The following RANBP3 variants were observed in gnomAD, a reference collection of about 807,000 sequenced individuals.
RANBP3 encodes the protein RAN binding protein 3.
Under a neutral mutation model 77.3 loss-of-function variants are expected in RANBP3, and 14 were observed. The ratio of observed to expected loss-of-function variants is 0.18; its 90% confidence interval spans 0.12 to 0.28. The LOEUF is 0.28. Among genes scored for constraint, RANBP3 ranks in the 10% least tolerant of loss-of-function variants. The pLI, the probability that RANBP3 is intolerant of heterozygous loss-of-function variation, is 1.00. For missense variants in RANBP3, 586 were observed against 752.3 expected, an observed-to-expected ratio of 0.78 and a Z score of 2.59; for synonymous variants, 315 against 312.4, an observed-to-expected ratio of 1.01 and a Z score of -0.09.
rs2057819631 is a variant in RANBP3, at chr19:5,921,526, T to C, written c.1210-205A>G. On this transcript the variant is annotated intron_variant, in intron 13 of 16. Coordinates refer to ENST00000340578, the MANE Select transcript of RANBP3 (RefSeq NM_007322.3). This position sits in a 1 kb window ranked among gnomAD's most constrained non-coding sequence, Gnocchi z 5.3. ...GGGTATCTGAAATTAAAAGAATCAC[T>C]AAGGAAATGAAAAGCAAAACAACGG... is the stretch of plus-strand genomic sequence containing the variant. 1.3e-5 allele frequency among the ~76,000 whole-genome samples: 2 copies of C among 152,076 alleles called. No homozygotes were observed. Among genetic ancestry groups the C allele is most frequent in the African/African-American group, 4.8e-5 (2 of 41,412 alleles).
chr19:5,942,958 C>T (rs2058158284), intron 3 of RANBP3, among the ~76,000 whole-genome samples: 1 of 152,078 alleles, frequency 6.6e-6, no homozygotes, highest in African/African-American at 2.4e-5. Context: ...AGCCCGGGGT[C>T]TGAGGCTGCA....
chr19:5,955,892 A>G (rs185683983), intron 2 of RANBP3, among the ~76,000 whole-genome samples: 1 of 152,324 alleles, frequency 6.6e-6, no homozygotes, highest in East Asian at 1.9e-4. Context: ...GATTAAAGCC[A>G]TAAGTTCGAG....
At chr19:5,968,790 C>T (rs1014174522) in intron 1 of RANBP3, among the ~76,000 whole-genome samples, 1 of 152,238 alleles carries the variant, frequency 6.6e-6, no homozygotes, top group Admixed American at 6.5e-5. Context: ...ATCTACCAAG[C>T]ACAGACTTGT....
chr19:5,949,240 G>A (rs188606581), intron 3 of RANBP3, among the ~76,000 whole-genome samples: 13 of 152,314 alleles, frequency 8.5e-5, no homozygotes, highest in Admixed American at 6.5e-4. Context: ...AAACGAAAAC[G>A]GTCTGAGTTC....
chr19:5,918,504 G>C lies in RANBP3; in HGVS notation c.1465C>G (p.Leu489Val). Reference sequence around the variant, plus strand: ...CCGCGTGGCTGGCTCACCGAGATCAGGAAGACCTTCACGCCCTGGTCCTCG... The same window carrying C: ...CCGCGTGGCTGGCTCACCGAGATCACGAAGACCTTCACGCCCTGGTCCTCG... ...DTEDQGVKVF[L>V]ISASSKDTGQ... is the part of the protein sequence containing the mutation. The change falls in exon 15 of 17, where the codon CTG becomes GTG. Residue 489 changes from leucine (L) to valine (V), a missense_variant. Leu to Val is a conservative substitution (Grantham distance 32, BLOSUM62 1). Transcript: ENST00000340578. 6.2e-7 allele frequency: 1 copy of C among 1,611,440 alleles called. No individual in the cohort carries two copies. Among genetic ancestry groups the C allele is most frequent in the South Asian group, 1.1e-5 (1 of 90,936 alleles).
chr19:5,918,592 C>T lies in RANBP3; in HGVS notation c.1377G>A (p.Leu459=). The change falls in exon 15 of 17, where the codon CTG becomes CTA. Residue 459 remains leucine (L), a synonymous_variant. Coordinates refer to ENST00000340578, the MANE Select transcript of RANBP3 (RefSeq NM_007322.3). ...GSLRLILNTK[L]WAQMQIDKAS... Reference sequence around the variant, plus strand: ...CCTTGTCGATCTGCATCTGGGCCCACAGCTTGGTGTTGAGGATCAGTCGCA... The same window carrying T: ...CCTTGTCGATCTGCATCTGGGCCCATAGCTTGGTGTTGAGGATCAGTCGCA... 1 of 1,613,912 alleles carries T rather than the reference C, an allele frequency of 6.2e-7. No individual in the cohort carries two copies.
At chr19:5,935,255 A>G (rs558420064) in intron 5 of RANBP3, among the ~76,000 whole-genome samples, 2 of 152,300 alleles carry the variant, frequency 1.3e-5, no homozygotes, top group East Asian at 3.9e-4. Context: ...CCTTCTTACT[A>G]TAATAGTTGT....
Position 5,917,245 on chromosome 19 carries a change from C to T in RANBP3, c.*365G>A, listed in dbSNP as rs954601755. Reference sequence around the variant, plus strand: ...AGCAGGGTGGGAAGGGTGTGGGTGGCGGAGAAGCCAGGGGCTCTGGCTGGA... The same window carrying T: ...AGCAGGGTGGGAAGGGTGTGGGTGGTGGAGAAGCCAGGGGCTCTGGCTGGA... On this transcript the variant is annotated 3_prime_UTR_variant, in exon 17 of 17. Coordinates refer to ENST00000340578, the MANE Select transcript of RANBP3 (RefSeq NM_007322.3). 10 of 352,736 alleles carry T rather than the reference C, an allele frequency of 2.8e-5. No individual in the cohort carries two copies. Among genetic ancestry groups the T allele is most frequent in the African/African-American group, 1.5e-4 (7 of 45,856 alleles). 21.9% of individuals were successfully genotyped at this position (352,736 alleles called of 1,614,324 possible). A position where few individuals can be genotyped will look rare whatever the true frequency, so the allele number is the denominator to read the frequency against.
rs1285057907 is a variant in RANBP3, at chr19:5,951,523, C to T, written c.152G>A (p.Gly51Asp). ...PRGEAEAPHH[G>D]TGHPESAGEH... is the part of the protein sequence containing the mutation. ...GCCAGCTGACTCGGGGTGACCCGTG[C>T]CATGGTGGGGGGCCTCAGCCTCCCC... The change falls in exon 3 of 17, where the codon GGC becomes GAC. Residue 51 changes from glycine to aspartate, a missense_variant. Transcript: ENST00000340578. 1 of 1,611,814 alleles carries T rather than the reference C, an allele frequency of 6.2e-7. No homozygotes were observed. Among genetic ancestry groups the T allele is most frequent in the Non-Finnish European group, 8.5e-7 (1 of 1,178,850 alleles).
At chr19:5,944,691 G>T (rs1332263060) in intron 3 of RANBP3, among the ~76,000 whole-genome samples, 1 of 152,208 alleles carries the variant, frequency 6.6e-6, no homozygotes, top group Non-Finnish European at 1.5e-5. Flanking sequence ...TCTGAGGCCA[G>T]CAGCCTCTGC....
At chr19:5,919,429 A>G (rs2057788699) in intron 14 of RANBP3, among the ~76,000 whole-genome samples, 1 of 152,170 alleles carries the variant, frequency 6.6e-6, no homozygotes, top group Non-Finnish European at 1.5e-5. Context: ...TCAGAGGCCG[A>G]GTGGGAGAAA....
Position 5,931,481 on chromosome 19 carries a change from C to A in RANBP3, c.616G>T (p.Ala206Ser), listed in dbSNP as rs2057990017. 3 of 1,612,732 alleles carry A rather than the reference C, an allele frequency of 1.9e-6. No individual in the cohort carries two copies. Among genetic ancestry groups the A allele is most frequent in the Non-Finnish European group, 2.5e-6 (3 of 1,179,466 alleles). The change falls in exon 8 of 17, where the codon GCA becomes TCA. Residue 206 changes from alanine (A) to serine (S), a missense_variant. Physicochemically the swap from Ala to Ser is moderately conservative, Grantham distance 99. This residue lies in a region of RANBP3 where 232 missense variants were observed against 271.7 expected (regional missense o/e 0.85). Transcript: ENST00000340578. ...GTGTCAGGGGATGCTGCGGGCACTG[C>A]CCCCGTGCAGTCTGCTGGGAGGCTG... ...GVSLPADCTG[A>S]VPAASPDTAA...
rs144574561 is a variant in RANBP3 at position 5,936,213 on chromosome 19, G to A, written c.407-2734C>T. On this transcript the variant is annotated intron_variant, in intron 5 of 16. Coordinates refer to ENST00000340578, the MANE Select transcript of RANBP3 (RefSeq NM_007322.3). The stretch of plus-strand genomic sequence containing the variant: ...GTGGACGGCGCTGGTGCAGGGTGGG[G>A]AGGAGGCTCAGCCATGCGGTGGGCA... Among the ~76,000 whole-genome samples, 694 of 152,374 alleles carry A rather than the reference G, an allele frequency of 4.6e-3. 3 individuals carry two copies. The highest frequency in any genetic ancestry group is 0.016 in the African/African-American group (666 of 41,590).
At chr19:5,943,798 T>C (rs2058169028) in intron 3 of RANBP3, among the ~76,000 whole-genome samples, 2 of 152,116 alleles carry the variant, frequency 1.3e-5, no homozygotes, top group Non-Finnish European at 2.9e-5. Flanking sequence ...AAACACAAAA[T>C]CCTTGTAACA....
intron 3 of RANBP3, among the ~76,000 whole-genome samples, chr19:5,944,641 A>G (rs920070084): frequency 4.6e-5 from 7 of 152,192 alleles, no homozygotes; most frequent in African/African-American, 1.4e-4. Flanking sequence ...AGAGCCCTGT[A>G]GGCTGGCTTT....
At chr19:5,955,529 A>G (rs951156025) in intron 2 of RANBP3, among the ~76,000 whole-genome samples, 2 of 152,228 alleles carry the variant, frequency 1.3e-5, no homozygotes, top group African/African-American at 2.4e-5. Flanking sequence ...AAAGCAACAA[A>G]ACCCCCTCAG....
intron 1 of RANBP3, among the ~76,000 whole-genome samples, chr19:5,969,312 C>A (rs576176782): frequency 2.0e-5 from 3 of 152,324 alleles, no homozygotes; most frequent in East Asian, 3.9e-4. Flanking sequence ...ACCCTCTCCC[C>A]CAGAGAAAGG....
intron 14 of RANBP3, among the ~76,000 whole-genome samples, chr19:5,919,797 A>G (rs2057793454): frequency 6.6e-6 from 1 of 151,068 alleles, no homozygotes; most frequent in African/African-American, 2.4e-5. Context: ...GCTGCTCGGG[A>G]GGCCGAGGCA....
chr19:5,967,975 C>T (rs1388854223), intron 1 of RANBP3, among the ~76,000 whole-genome samples: 1 of 152,074 alleles, frequency 6.6e-6, no homozygotes, highest in Non-Finnish European at 1.5e-5. Context: ...TGAGATAGCA[C>T]CACTGCACTC....
Sources: allele counts gnomAD v4.1 joint callset (sites outside exome capture counted in the v4.1 genomes callset), GRCh38; gene constraint gnomAD v4.1.1; regional missense constraint gnomAD v4.1.1; non-coding constraint Gnocchi (gnomAD v3.1); transcripts MANE v1.5; gene names NCBI Gene and HGNC (gene_info 2026-07-23, HGNC 2026-07-21).